RABGEF1: variants seen among roughly 807,000 people sequenced by gnomAD.
The protein encoded by RABGEF1 is RAB guanine nucleotide exchange factor 1.
A neutral mutation model predicts 57.3 loss-of-function variants in RABGEF1; 26 were observed. That is an observed-to-expected ratio of 0.45 (90% CI 0.33 to 0.63). The LOEUF is 0.63. Among genes scored for constraint, RABGEF1 ranks in the 20% least tolerant of loss-of-function variants. The pLI, the probability that RABGEF1 is intolerant of heterozygous loss-of-function variation, is 0.02. For missense variants in RABGEF1, 464 were observed against 607.6 expected (o/e 0.76, Z 2.48); for synonymous variants, 185 against 210.7 (o/e 0.88, Z 1.06).
Position 66,810,140 on chromosome 7 carries a change from C to CTCTGATGGTGAGAGG in RABGEF1, c.*858_*872dup, listed in dbSNP as rs1192619053. 3 of 152,200 alleles carry CTCTGATGGTGAGAGG rather than the reference C, an allele frequency of 2.0e-5. No individual in the cohort carries two copies. Among genetic ancestry groups the CTCTGATGGTGAGAGG allele is most frequent in the Non-Finnish European group, 2.9e-5 (2 of 68,048 alleles). 9.4% of individuals were successfully genotyped at this position (152,200 alleles called of 1,614,324 possible). On this transcript the variant is annotated 3_prime_UTR_variant, in exon 9 of 9. Coordinates refer to ENST00000284957, the MANE Select transcript of RABGEF1 (RefSeq NM_014504.3). Reference sequence around the variant, plus strand: ...GAATGGAAGGCGGGAATGAATGGGCCTCTGATGGTGAGAGGTGACGGGGTC... The same window carrying CTCTGATGGTGAGAGG: ...GAATGGAAGGCGGGAATGAATGGGCCTCTGATGGTGAGAGGTCTGATGGTGAGAGGTGACGGGGTC...
intron 5 of RABGEF1, among the ~76,000 whole-genome samples, chr7:66,796,069 G>A (rs144106825): frequency 0.019 from 2,960 of 152,260 alleles, 58 homozygotes; most frequent in Non-Finnish European, 0.024. Context: ...CCCGGAAGGC[G>A]GAGGTTGCAG....
chr7:66,709,157 C>T (rs1794488399), intron 1 of RABGEF1, among the ~76,000 whole-genome samples: 1 of 151,910 alleles, frequency 6.6e-6, no homozygotes, highest in South Asian at 2.1e-4. Flanking sequence ...TACAGGCACC[C>T]ACCACCATGC....
intron 1 of RABGEF1, among the ~76,000 whole-genome samples, chr7:66,695,604 G>T (rs1562704445): frequency 6.6e-6 from 1 of 151,974 alleles, no homozygotes; most frequent in African/African-American, 2.4e-5. Flanking sequence ...TGGGTCGTGA[G>T]AAAGTGAGGG....
intron 1 of RABGEF1, among the ~76,000 whole-genome samples, chr7:66,704,418 A>T (rs1249711224): frequency 6.6e-6 from 1 of 151,984 alleles, no homozygotes; most frequent in African/African-American, 2.4e-5. Flanking sequence ...CAGTGACATC[A>T]CTCTGTATGC....
chr7:66,726,542 A>T (rs1436674059), intron 2 of RABGEF1, among the ~76,000 whole-genome samples: 3 of 152,006 alleles, frequency 2.0e-5, no homozygotes, highest in African/African-American at 7.2e-5. Flanking sequence ...TTTTAAATTT[A>T]TTAAAGAGAT....
rs563542339 is a variant in RABGEF1 at position 66,768,692 on chromosome 7, C to A, written c.-17-3191C>A. ...CTCTCCATTAGTTCCAATTTGGAAGCCTTTGGTACGGAATAGCGTCAGATC... is the reference window on the plus strand; with the variant it reads ...CTCTCCATTAGTTCCAATTTGGAAGACTTTGGTACGGAATAGCGTCAGATC... On this transcript the variant is annotated intron_variant, in intron 1 of 8. Coordinates refer to ENST00000284957, the MANE Select transcript of RABGEF1 (RefSeq NM_014504.3). The A allele has an allele frequency of 4.6e-5, 7 of 152,280 alleles. No individual in the cohort carries two copies. In the South Asian group the frequency reaches 1.5e-3, roughly 32 times the overall value. The allele number at this position is 152,280 out of a possible 1,614,324, so 9.4% of individuals were successfully genotyped here.
rs1010813159 is a variant in RABGEF1 at position 66,724,585 on chromosome 7, C to T, written c.-815+12361C>T. ...ATGTTGGTCAGGCTGGTCTTGATCT[C>T]GTGACCTTGTGATCCACCCACCTCG... is the stretch of plus-strand genomic sequence containing the variant. On this transcript the variant is annotated intron_variant and NMD_transcript_variant, in intron 2 of 9. Transcript: ENST00000607882. Among the ~76,000 whole-genome samples the T allele has an allele frequency of 5.3e-5, 8 of 152,100 alleles. 1 individual carries two copies. In the South Asian group the frequency reaches 8.3e-4, roughly 16 times the overall value.
intron 1 of RABGEF1, among the ~76,000 whole-genome samples, chr7:66,743,747 C>T (rs1196513631): frequency 1.3e-5 from 2 of 152,106 alleles, no homozygotes; most frequent in Admixed American, 1.3e-4. Context: ...GTGATCCGCC[C>T]TCCTCGGCAT....
At chr7:66,767,000 C>CT (rs34123866) in intron 1 of RABGEF1, among the ~76,000 whole-genome samples, 1,519 of 102,582 alleles carry the variant, frequency 0.015, 45 homozygotes, top group East Asian at 0.074. Context: ...TGTCAAGTTT[C>CT]TTTTTTTTTT....
In RABGEF1 at chr7:66,810,851, G is replaced by T. The variant is rs1199247504; in HGVS notation, c.*1567G>T. On this transcript the variant is annotated 3_prime_UTR_variant, in exon 9 of 9. Transcript: ENST00000284957. ...GTAACTTTGGAATAAAACCAGGGTG[G>T]GTATAAAACTTCTTATTCTTAAATT... The T allele has an allele frequency of 6.6e-6, 1 of 152,058 alleles. No homozygotes were observed. Among genetic ancestry groups the T allele is most frequent in the Non-Finnish European group, 1.5e-5 (1 of 68,012 alleles). 9.4% of individuals were successfully genotyped at this position (152,058 alleles called of 1,614,324 possible). A position where few individuals can be genotyped will look rare whatever the true frequency, so the allele number is the denominator to read the frequency against.
intron 4 of RABGEF1, among the ~76,000 whole-genome samples, chr7:66,788,721 G>C (rs966798037): frequency 6.6e-6 from 1 of 152,150 alleles, no homozygotes; most frequent in Non-Finnish European, 1.5e-5. Context: ...GCTCACGCTT[G>C]TAATCCTAGC....
At chr7:66,711,907 T>C (rs1794832256) in intron 1 of RABGEF1, among the ~76,000 whole-genome samples, 1 of 152,170 alleles carries the variant, frequency 6.6e-6, no homozygotes, top group South Asian at 2.1e-4. Context: ...TTCTTTTGCA[T>C]TGATGTATTC....
intron 1 of RABGEF1, among the ~76,000 whole-genome samples, chr7:66,764,827 T>G (rs1330365707): frequency 1.3e-5 from 2 of 152,248 alleles, no homozygotes; most frequent in East Asian, 1.9e-4. Context: ...TCTATGACTT[T>G]CCTTGTGCCA....
chr7:66,800,974 C>T (rs1263362869), intron 7 of RABGEF1, among the ~76,000 whole-genome samples: 2 of 152,204 alleles, frequency 1.3e-5, no homozygotes, highest in African/African-American at 2.4e-5. Flanking sequence ...GTGTGGGTCA[C>T]GTTCTTCTAG....
the RABGEF1 span, among the ~76,000 whole-genome samples, chr7:66,658,533 CAAAAAAAA>C: frequency 4.0e-5 from 3 of 75,574 alleles, no homozygotes; most frequent in South Asian, 1.4e-3. Flanking sequence ...ACTTCGTCTC[CAAAAAAAA>C]AAAAAAAAAA....
the RABGEF1 span, among the ~76,000 whole-genome samples, chr7:66,674,776 T>TTA: frequency 6.6e-6 from 1 of 151,924 alleles, no homozygotes; most frequent in Non-Finnish European, 1.5e-5. Context: ...CTAGGAGAAG[T>TTA]TAGAGTGGTT....
At chr7:66,703,294 A>G (rs1208787447) in intron 1 of RABGEF1, among the ~76,000 whole-genome samples, 31 of 152,124 alleles carry the variant, frequency 2.0e-4, no homozygotes, top group Admixed American at 2.0e-3. Context: ...TTTTATTTGG[A>G]TGAAGTTCAA....
At chr7:66,675,654 G>T in the RABGEF1 span, among the ~76,000 whole-genome samples, 2 of 152,210 alleles carry the variant, frequency 1.3e-5, no homozygotes, top group South Asian at 4.1e-4. Context: ...TTTCATGAAC[G>T]ATGTGGTCTT....
chr7:66,796,807 T>A (rs1183611231), intron 5 of RABGEF1: 1 of 381,912 alleles, frequency 2.6e-6, no homozygotes, highest in African/African-American at 2.2e-5. Context: ...GCCAGGCTGG[T>A]CTTGAACTCC....
Sources: gnomAD v4.1 joint callset for allele counts (sites outside exome capture counted in the v4.1 genomes callset) on GRCh38, gnomAD v4.1.1 for gene constraint, MANE v1.5 for transcripts, NCBI Gene and HGNC (gene_info 2026-07-23, HGNC 2026-07-21) for gene names.